The following KCNMB2 variants were observed in gnomAD, a reference collection of about 807,000 sequenced individuals.
KCNMB2 encodes potassium calcium-activated channel subfamily M regulatory beta subunit 2.
KCNMB2 carries 9 observed loss-of-function variants against 24.5 expected under a neutral mutation model. That is an observed-to-expected ratio of 0.37 (90% CI 0.22 to 0.64). The LOEUF is 0.64. Among genes scored for constraint, KCNMB2 ranks in the 30% least tolerant of loss-of-function variants. The probability of loss-of-function intolerance (pLI) is 0.63; values close to 1 mark genes in which losing one functional copy is unlikely to be tolerated. For synonymous variants in KCNMB2, 109 were observed against 104.4 expected (o/e 1.04, Z -0.27); for missense variants, 226 against 284.3 (o/e 0.79, Z 1.47).
At chr3:178,542,806 T>A (rs1172387736) in intron 1 of KCNMB2, among the ~76,000 whole-genome samples, 2 of 152,188 alleles carry the variant, frequency 1.3e-5, no homozygotes, top group Non-Finnish European at 2.9e-5. Context: ...CTAGACACGC[T>A]GTATAATGGA....
chr3:178,648,810 T>C (rs1371248068), intron 1 of KCNMB2, among the ~76,000 whole-genome samples: 1 of 152,232 alleles, frequency 6.6e-6, no homozygotes, highest in Non-Finnish European at 1.5e-5. Context: ...GATTTGCATA[T>C]TTAATGTCAC....
At chr3:178,696,518 T>A (rs1383470551) in intron 1 of KCNMB2, among the ~76,000 whole-genome samples, 1 of 152,238 alleles carries the variant, frequency 6.6e-6, no homozygotes. Context: ...TAGAAGTCTG[T>A]CTATTTTATC....
chr3:178,814,221 A>G (rs570967233), intron 2 of KCNMB2, among the ~76,000 whole-genome samples: 5 of 151,924 alleles, frequency 3.3e-5, no homozygotes, highest in Admixed American at 3.3e-4. Context: ...CCATTGTTTA[A>G]CTCCCATGTG....
At chr3:178,567,073 G>A (rs1284222094) in intron 1 of KCNMB2, among the ~76,000 whole-genome samples, 4 of 152,180 alleles carry the variant, frequency 2.6e-5, no homozygotes, top group South Asian at 2.1e-4. Flanking sequence ...TGAGCGTATC[G>A]TGACTCTATT....
In KCNMB2 at chr3:178,550,495, G is replaced by A. The variant is rs946078645; in HGVS notation, c.-68+13784G>A. 5.6e-5 allele frequency among the ~76,000 whole-genome samples: 8 copies of A among 142,754 alleles called. No homozygotes were observed. The South Asian group carries it at 7.0e-4, about 12-fold the overall frequency. The allele number at this position is 142,754 out of a possible 152,430, so 93.7% of individuals were successfully genotyped here. ...AAAAAAAAAAAAAGATTTGCCCCAC[G>A]AAGGCATTATAATAAAAGAGGTCCT... On this transcript the variant is annotated intron_variant, in intron 1 of 4. Coordinates refer to ENST00000452583, the MANE Select transcript of KCNMB2 (RefSeq NM_181361.3).
intron 1 of KCNMB2, among the ~76,000 whole-genome samples, chr3:178,758,493 G>T (rs1386789688): frequency 5.0e-4 from 7 of 14,070 alleles, no homozygotes; most frequent in East Asian, 1.6e-3. Flanking sequence ...AGAGGTGATT[G>T]ATATATATAT....
intron 1 of KCNMB2, among the ~76,000 whole-genome samples, chr3:178,559,412 A>G (rs1025949804): frequency 1.6e-4 from 25 of 152,070 alleles, no homozygotes; most frequent in African/African-American, 6.0e-4. Flanking sequence ...CAAGTATTTT[A>G]CTATGAGAAT....
intron 3 of KCNMB2, among the ~76,000 whole-genome samples, chr3:178,827,488 A>G (rs9844737): frequency 0.65 from 98,245 of 152,132 alleles, 33,623 homozygotes; most frequent in African/African-American, 0.87. Context: ...TCACTTTTAA[A>G]AAGAAATTAC....
intron 1 of KCNMB2, among the ~76,000 whole-genome samples, chr3:178,702,062 GA>G (rs1339739133): frequency 6.6e-6 from 1 of 152,004 alleles, no homozygotes; most frequent in African/African-American, 2.4e-5. Context: ...ACTGGATTAA[GA>G]AAATGTGGCA....
chr3:178,626,795 A>G (rs1438833963), intron 1 of KCNMB2, among the ~76,000 whole-genome samples: 2 of 151,714 alleles, frequency 1.3e-5, no homozygotes, highest in Non-Finnish European at 2.9e-5. Flanking sequence ...TAACCATATC[A>G]TACTAAAACT....
Position 178,624,597 on chromosome 3 carries a change from TC to T in KCNMB2, c.-68+87887del, listed in dbSNP as rs1288990069. ...GCTTTCTATTTTTTCTTTTTTTCTT[TC>T]TTTTTTTTTTTTTTTAAAAAAGGCA... On this transcript the variant is annotated intron_variant, in intron 1 of 4. Transcript: ENST00000452583. 6.5e-3 allele frequency among the ~76,000 whole-genome samples: 462 copies of T among 70,536 alleles called. 6 individuals are homozygous for T. Among genetic ancestry groups the T allele is most frequent in the African/African-American group, 0.01 (203 of 19,774 alleles). The allele number at this position is 70,536 out of a possible 152,430, so 46.3% of individuals were successfully genotyped here. A position where few individuals can be genotyped will look rare whatever the true frequency, so the allele number is the denominator to read the frequency against.
At chr3:178,635,032 A>C (rs1337316854) in intron 1 of KCNMB2, among the ~76,000 whole-genome samples, 1 of 151,998 alleles carries the variant, frequency 6.6e-6, no homozygotes, top group Non-Finnish European at 1.5e-5. Context: ...GATGGAAGGG[A>C]ATTGAATTCT....
chr3:178,603,110 T>G (rs991922398), intron 1 of KCNMB2, among the ~76,000 whole-genome samples: 1 of 151,894 alleles, frequency 6.6e-6, no homozygotes, highest in Admixed American at 6.6e-5. Context: ...GTCTTTGAAG[T>G]GTGTAGTCAG....
chr3:178,694,204 C>T (rs552400293), intron 1 of KCNMB2, among the ~76,000 whole-genome samples: 1 of 152,242 alleles, frequency 6.6e-6, no homozygotes, highest in South Asian at 2.1e-4. Flanking sequence ...CTTATAAAAC[C>T]TCATGAGAAC....
At chr3:178,591,430 C>T (rs899555471) in intron 1 of KCNMB2, among the ~76,000 whole-genome samples, 2 of 152,118 alleles carry the variant, frequency 1.3e-5, no homozygotes, top group African/African-American at 2.4e-5. Flanking sequence ...CATGCATAAA[C>T]GAGGAACTCA....
chr3:178,694,571 C>T lies in KCNMB2; in HGVS notation c.-67-112772C>T, dbSNP rs186089048. ...TCCTAGATAAAATGGGGTACAGGCA[C>T]TGGGTAAGTACACCCATTCCAAATA... On this transcript the variant is annotated intron_variant, in intron 1 of 4. Transcript: ENST00000452583. Among the ~76,000 whole-genome samples the T allele has an allele frequency of 2.0e-4, 30 of 152,324 alleles. 1 individual carries two copies. The highest frequency in any genetic ancestry group is 5.8e-4 in the African/African-American group (24 of 41,560).
chr3:178,575,448 G>T (rs745368854), intron 1 of KCNMB2, among the ~76,000 whole-genome samples: 1 of 152,130 alleles, frequency 6.6e-6, no homozygotes, highest in African/African-American at 2.4e-5. Flanking sequence ...GAGCTGTGAC[G>T]AATCAACTTC....
chr3:178,721,469 T>C (rs1370665096), intron 1 of KCNMB2, among the ~76,000 whole-genome samples: 5 of 152,212 alleles, frequency 3.3e-5, no homozygotes, highest in Non-Finnish European at 7.3e-5. Context: ...GTTTATCCAT[T>C]CAACCCTTGA....
At position 178,617,016 on chromosome 3, in the gene KCNMB2, G is replaced by A. The variant is rs113097309; in HGVS notation, c.-68+80305G>A. ...CTCACTGGGGAAATGTGGTATGGGC[G>A]GAGGAGATACAGAGGTTTTATTTTT... is the stretch of plus-strand genomic sequence containing the variant. On this transcript the variant is annotated intron_variant, in intron 1 of 4. Coordinates refer to ENST00000452583, the MANE Select transcript of KCNMB2 (RefSeq NM_181361.3). 1.2e-3 allele frequency among the ~76,000 whole-genome samples: 183 copies of A among 152,262 alleles called. 1 individual carries two copies. The highest frequency in any genetic ancestry group is 3.6e-3 in the African/African-American group (149 of 41,542).
Sources: gnomAD v4.1 joint callset for allele counts (sites outside exome capture counted in the v4.1 genomes callset) on GRCh38, gnomAD v4.1.1 for gene constraint, MANE v1.5 for transcripts, NCBI Gene and HGNC (gene_info 2026-07-23, HGNC 2026-07-21) for gene names.